Variants in WDR27 observed in about 807,000 individuals in gnomAD.
The protein encoded by WDR27 is WD repeat-containing protein 27.
In WDR27, 100 loss-of-function variants were observed where a neutral mutation model predicts 114.4. The observed-to-expected ratio is 0.87, with a 90% CI of 0.74 to 1.03. WDR27 has a LOEUF of 1.03. WDR27 is among the 50% of genes least tolerant of loss of function. WDR27 has a pLI of 0.00. For missense variants in WDR27, 1,129 were observed against 1,092.9 expected (o/e 1.03, Z -0.47); for synonymous variants, 449 against 423.1 (o/e 1.06, Z -0.75).
intron 25 of WDR27, among the ~76,000 whole-genome samples, chr6:169,541,725 C>T (rs1433563029): frequency 4.6e-5 from 7 of 151,662 alleles, no homozygotes; most frequent in Non-Finnish European, 1.0e-4. Flanking sequence ...ATCTGGTAAA[C>T]GGAAAAGAAA....
intron 21 of WDR27, among the ~76,000 whole-genome samples, chr6:169,615,442 C>A (rs767110949): frequency 2.0e-5 from 3 of 152,116 alleles, no homozygotes; most frequent in Non-Finnish European, 4.4e-5. Context: ...GAGTTCTCAT[C>A]ATGTAGCTCA....
At chr6:169,583,491 A>G (rs1255441962) in intron 23 of WDR27, among the ~76,000 whole-genome samples, 3 of 6,496 alleles carry the variant, frequency 4.6e-4, no homozygotes, top group African/African-American at 8.3e-4. Flanking sequence ...ATATATACAT[A>G]TATATATATA....
intron 21 of WDR27, among the ~76,000 whole-genome samples, chr6:169,623,482 G>A (rs541668988): frequency 6.6e-5 from 10 of 152,242 alleles, no homozygotes; most frequent in Admixed American, 3.9e-4. Context: ...ACCATTGGGC[G>A]GTTACCCCAG....
At chr6:169,564,680 AG>A (rs1426187724) in intron 25 of WDR27, among the ~76,000 whole-genome samples, 1 of 146,212 alleles carries the variant, frequency 6.8e-6, no homozygotes, top group Non-Finnish European at 1.5e-5. Flanking sequence ...ACCTGGACAG[AG>A]CCCGGTGCTC....
intron 17 of WDR27, among the ~76,000 whole-genome samples, chr6:169,642,472 G>C (rs895534466): frequency 1.4e-4 from 22 of 152,158 alleles, no homozygotes; most frequent in African/African-American, 4.8e-4. Context: ...GAAAGAGGCC[G>C]GCTCAGGGCT....
intron 25 of WDR27, among the ~76,000 whole-genome samples, chr6:169,563,419 C>A (rs994487408): frequency 1.3e-5 from 2 of 152,206 alleles, no homozygotes; most frequent in African/African-American, 2.4e-5. Flanking sequence ...TCAGCTCACA[C>A]CAGTCAGACC....
At chr6:169,478,939 C>A (rs752854689) in intron 25 of WDR27, among the ~76,000 whole-genome samples, 2 of 152,188 alleles carry the variant, frequency 1.3e-5, no homozygotes, top group Non-Finnish European at 2.9e-5. Flanking sequence ...AAACGTAAGA[C>A]TGTAAACTAT....
At chr6:169,507,748 A>G (rs960836323) in intron 25 of WDR27, among the ~76,000 whole-genome samples, 1 of 152,206 alleles carries the variant, frequency 6.6e-6, no homozygotes, top group Admixed American at 6.5e-5. Context: ...ATATTTTTCA[A>G]TGTTCATAAA....
At chr6:169,667,895 C>A in intron 5 of WDR27, 87 bp downstream of exon 5, 1 of 1,308,692 alleles carries the variant, frequency 7.6e-7, no homozygotes, top group Non-Finnish European at 1.0e-6. Context: ...GCGGCCGTGG[C>A]CGTGAAGCAA....
intron 17 of WDR27, among the ~76,000 whole-genome samples, chr6:169,641,838 C>T (rs1161725648): frequency 6.6e-6 from 1 of 152,268 alleles, no homozygotes; most frequent in East Asian, 1.9e-4. Context: ...AGCTCCAGGG[C>T]GCGTCACAGA....
intron 25 of WDR27, among the ~76,000 whole-genome samples, chr6:169,530,899 T>G (rs559218739): frequency 6.6e-6 from 1 of 152,252 alleles, no homozygotes; most frequent in South Asian, 2.1e-4. Flanking sequence ...GCACGTCTCA[T>G]GTCTGAGATG....
intron 24 of WDR27, among the ~76,000 whole-genome samples, chr6:169,578,914 G>T (rs1256758071): frequency 6.6e-6 from 1 of 152,214 alleles, no homozygotes. Flanking sequence ...AGTAAGAAGT[G>T]TGGGAGCTGC....
At chr6:169,500,524 C>T (rs571548749) in intron 25 of WDR27, among the ~76,000 whole-genome samples, 1 of 152,306 alleles carries the variant, frequency 6.6e-6, no homozygotes, top group East Asian at 1.9e-4. Flanking sequence ...AGAAACCTCC[C>T]GCTGGTCTAC....
chr6:169,459,821 A>G (rs1489874186), intron 25 of WDR27, among the ~76,000 whole-genome samples: 1 of 152,006 alleles, frequency 6.6e-6, no homozygotes, highest in East Asian at 1.9e-4. Flanking sequence ...AAACAAAAAA[A>G]CCCCCAAAAA....
At chr6:169,483,449 A>C (rs1788466627) in intron 25 of WDR27, among the ~76,000 whole-genome samples, 1 of 152,212 alleles carries the variant, frequency 6.6e-6, no homozygotes, top group Non-Finnish European at 1.5e-5. Context: ...CTGGGCACAT[A>C]CATCCTCCCA....
chr6:169,593,665 T>C (rs1482668695), intron 23 of WDR27, among the ~76,000 whole-genome samples: 9 of 152,070 alleles, frequency 5.9e-5, no homozygotes, highest in African/African-American at 9.7e-5. Flanking sequence ...CTGGCCAACA[T>C]AGTGAAACCC....
At chr6:169,595,363 T>C (rs945507324) in intron 23 of WDR27, among the ~76,000 whole-genome samples, 1 of 152,230 alleles carries the variant, frequency 6.6e-6, no homozygotes, top group Non-Finnish European at 1.5e-5. Context: ...AAAAGCTTTA[T>C]GCAAAACTCT....
intron 25 of WDR27, among the ~76,000 whole-genome samples, chr6:169,515,913 A>T (rs1432248436): frequency 6.6e-6 from 1 of 151,940 alleles, no homozygotes; most frequent in Non-Finnish European, 1.5e-5. Flanking sequence ...CCCAGTTGAC[A>T]TATTCAAATT....
At chr6:169,574,548 G>T (rs1205398646) in intron 24 of WDR27, among the ~76,000 whole-genome samples, 1 of 152,150 alleles carries the variant, frequency 6.6e-6, no homozygotes, top group Non-Finnish European at 1.5e-5. Context: ...TGACACACTC[G>T]AAAGCAGGGT....
Sources: allele counts gnomAD v4.1 joint callset (sites outside exome capture counted in the v4.1 genomes callset), GRCh38; gene constraint gnomAD v4.1.1; transcripts MANE v1.5; gene names NCBI Gene and HGNC (gene_info 2026-07-23, HGNC 2026-07-21).